The following MGMT variants were observed in gnomAD, a reference collection of about 807,000 sequenced individuals.
MGMT encodes the protein O-6-methylguanine-DNA methyltransferase.
In MGMT, 14 loss-of-function variants were observed where a neutral mutation model predicts 15.9. The ratio of observed to expected loss-of-function variants is 0.88; its 90% confidence interval spans 0.58 to 1.37. MGMT has a LOEUF of 1.37. Among genes scored for constraint, MGMT ranks in the 40% most tolerant of loss-of-function variants. The pLI is 0.00. For synonymous variants in MGMT, 130 were observed against 118.2 expected (o/e 1.10, Z -0.65); for missense variants, 282 against 268.1 (o/e 1.05, Z -0.36).
At chr10:129,728,907 A>G (rs1409609028) in intron 3 of MGMT, among the ~76,000 whole-genome samples, 1 of 152,200 alleles carries the variant, frequency 6.6e-6, no homozygotes, top group African/African-American at 2.4e-5. Flanking sequence ...AAATTAATAA[A>G]GGGACTAATT....
intron 2 of MGMT, among the ~76,000 whole-genome samples, chr10:129,553,916 G>A (rs1198879005): frequency 6.6e-6 from 1 of 152,230 alleles, no homozygotes; most frequent in African/African-American, 2.4e-5. Flanking sequence ...CTACTGGCAG[G>A]CTCCTGGGGA....
Position 129,533,477 on chromosome 10 carries a change from C to T in MGMT, c.-12-2764C>T, listed in dbSNP as rs1410868532. Among the ~76,000 whole-genome samples, 1 of 152,118 alleles carries T rather than the reference C, an allele frequency of 6.6e-6. No individual in the cohort carries two copies. The highest frequency in any genetic ancestry group is 2.4e-5 in the African/African-American group (1 of 41,434). On this transcript the variant is annotated intron_variant, in intron 1 of 4. Transcript: ENST00000651593. The surrounding 1 kb of genome is among the most constrained non-coding windows in gnomAD (Gnocchi z 4.5). The stretch of plus-strand genomic sequence containing the variant: ...GCAGCAAACATGGCTCCATGGAGAG[C>T]GAAACCCAAGCTGGGCTGTTTACTG...
Position 129,770,549 on chromosome 10 carries a change from C to T in MGMT, c.*3552C>T, listed in dbSNP as rs1848989202. On this transcript the variant is annotated 3_prime_UTR_variant, in exon 5 of 5. Coordinates refer to ENST00000651593, the MANE Select transcript of MGMT (RefSeq NM_002412.5). ...GTAGCTGTGACCATGGGCGGTGGCGCCAGCTCGGACTTCACCCCGTTGGAG... is the reference window on the plus strand; with the variant it reads ...GTAGCTGTGACCATGGGCGGTGGCGTCAGCTCGGACTTCACCCCGTTGGAG... Among the ~76,000 whole-genome samples, 1 of 152,236 alleles carries T rather than the reference C, an allele frequency of 6.6e-6. No homozygotes were observed. The highest frequency in any genetic ancestry group is 2.4e-5 in the African/African-American group (1 of 41,468).
In MGMT at chr10:129,681,674, T is replaced by C. The variant is rs548318459; in HGVS notation, c.126-26221T>C. Among the ~76,000 whole-genome samples, 6 of 152,244 alleles carry C rather than the reference T, an allele frequency of 3.9e-5. No individual in the cohort carries two copies. In the East Asian group the frequency reaches 7.7e-4, roughly 20 times the overall value. On this transcript the variant is annotated intron_variant, in intron 2 of 4. Coordinates refer to ENST00000651593, the MANE Select transcript of MGMT (RefSeq NM_002412.5). ...ACCAAATGTGGATGGAAATATAGTG[T>C]TCACAGGATATGAAAACCGTGTATA...
intron 2 of MGMT, among the ~76,000 whole-genome samples, chr10:129,660,153 T>C (rs1403117193): frequency 6.6e-6 from 1 of 152,232 alleles, no homozygotes; most frequent in Non-Finnish European, 1.5e-5. Context: ...ATTTTTCATC[T>C]CCCTGCCAAT....
chr10:129,489,057 T>C (rs906366551), intron 1 of MGMT, among the ~76,000 whole-genome samples: 1 of 152,162 alleles, frequency 6.6e-6, no homozygotes, highest in Non-Finnish European at 1.5e-5. Context: ...AGCTTTAGGC[T>C]AACTCTTAAA....
chr10:129,588,667 A>G (rs1391800592), intron 2 of MGMT, among the ~76,000 whole-genome samples: 2 of 152,176 alleles, frequency 1.3e-5, no homozygotes, highest in East Asian at 3.9e-4. Context: ...CTGTACTGCG[A>G]GCCAGCACTG....
intron 1 of MGMT, among the ~76,000 whole-genome samples, chr10:129,507,412 G>T (rs546106426): frequency 6.6e-6 from 1 of 152,322 alleles, no homozygotes; most frequent in African/African-American, 2.4e-5. Flanking sequence ...GGGCCGCCCT[G>T]TGCACAGCTG....
At chr10:129,624,316 G>T (rs1459607298) in intron 2 of MGMT, among the ~76,000 whole-genome samples, 1 of 152,198 alleles carries the variant, frequency 6.6e-6, no homozygotes, top group Non-Finnish European at 1.5e-5. Context: ...AGCTTTGGGA[G>T]TGGGGCCCAC....
rs536705583 is a variant in MGMT at position 129,487,974 on chromosome 10, C to T, written c.-13+20678C>T. ...ACACAAACACACATAGGTGTATACGCAGGTATACACACACACACACACATA... is the reference window on the plus strand; with the variant it reads ...ACACAAACACACATAGGTGTATACGTAGGTATACACACACACACACACATA... On this transcript the variant is annotated intron_variant, in intron 1 of 4. Transcript: ENST00000651593. 3.3e-3 allele frequency among the ~76,000 whole-genome samples: 136 copies of T among 40,692 alleles called. 1 individual carries two copies. The highest frequency in any genetic ancestry group is 0.01 in the African/African-American group (130 of 12,664). The allele number at this position is 40,692 out of a possible 152,430, so 26.7% of individuals were successfully genotyped here.
chr10:129,500,472 G>C (rs561330559), intron 1 of MGMT, among the ~76,000 whole-genome samples: 15 of 152,296 alleles, frequency 9.8e-5, no homozygotes, highest in African/African-American at 2.6e-4. Flanking sequence ...ATTGTGCTGG[G>C]TTCCTCACCT....
chr10:129,763,812 G>A (rs972454474), intron 4 of MGMT, among the ~76,000 whole-genome samples: 7 of 152,164 alleles, frequency 4.6e-5, no homozygotes, highest in Non-Finnish European at 7.3e-5. Context: ...GAGATTTCCT[G>A]TGACTCCTTC....
chr10:129,509,122 C>G (rs1028978566), intron 1 of MGMT, among the ~76,000 whole-genome samples: 2 of 152,150 alleles, frequency 1.3e-5, no homozygotes, highest in Admixed American at 6.5e-5. Flanking sequence ...CTGGCTCCAC[C>G]AGGGTTCTCT....
intron 1 of MGMT, among the ~76,000 whole-genome samples, chr10:129,524,942 A>T (rs759991738): frequency 6.6e-6 from 1 of 152,170 alleles, no homozygotes; most frequent in African/African-American, 2.4e-5. Flanking sequence ...TCACAAACCA[A>T]TTGTCAGTTA....
At chr10:129,736,987 T>C (rs1848570591) in intron 3 of MGMT, among the ~76,000 whole-genome samples, 1 of 152,214 alleles carries the variant, frequency 6.6e-6, no homozygotes, top group Non-Finnish European at 1.5e-5. Flanking sequence ...CTGGCTGCCC[T>C]TAACATTTTT....
chr10:129,519,010 C>T (rs1845775405), intron 1 of MGMT, among the ~76,000 whole-genome samples: 1 of 152,144 alleles, frequency 6.6e-6, no homozygotes, highest in Non-Finnish European at 1.5e-5. Context: ...GCACTCCTCC[C>T]AGAGCCCTGA....
In MGMT at chr10:129,658,429, A is replaced by G. The variant is rs982496495; in HGVS notation, c.126-49466A>G. 2.0e-4 allele frequency among the ~76,000 whole-genome samples: 31 copies of G among 152,254 alleles called. 1 individual carries two copies. The highest frequency in any genetic ancestry group is 1.5e-5 in the Non-Finnish European group (1 of 68,042). ...GACCCTCAGAGCACGCCTGGTATGCACTGCGTTAGCTTGCCAGTATTTCTT... is the reference window on the plus strand; with the variant it reads ...GACCCTCAGAGCACGCCTGGTATGCGCTGCGTTAGCTTGCCAGTATTTCTT... On this transcript the variant is annotated intron_variant, in intron 2 of 4. Coordinates refer to ENST00000651593, the MANE Select transcript of MGMT (RefSeq NM_002412.5).
At chr10:129,725,215 C>T (rs1013679562) in intron 3 of MGMT, among the ~76,000 whole-genome samples, 1 of 152,232 alleles carries the variant, frequency 6.6e-6, no homozygotes, top group African/African-American at 2.4e-5. Flanking sequence ...CCAGCTTCCA[C>T]GCAAGTGGAA....
chr10:129,580,267 C>A (rs1846536690), intron 2 of MGMT, among the ~76,000 whole-genome samples: 1 of 152,174 alleles, frequency 6.6e-6, no homozygotes, highest in South Asian at 2.1e-4. Flanking sequence ...GCCAGTGGTG[C>A]TGACACTGCA....
Sources: gnomAD v4.1 joint callset for allele counts (sites outside exome capture counted in the v4.1 genomes callset) on GRCh38, gnomAD v4.1.1 for gene constraint, Gnocchi (gnomAD v3.1) non-coding constraint, MANE v1.5 for transcripts, NCBI Gene and HGNC (gene_info 2026-07-23, HGNC 2026-07-21) for gene names.